Variants in UBE2Q2 observed in about 807,000 individuals in gnomAD.
UBE2Q2 encodes the protein ubiquitin conjugating enzyme E2 Q2, also known as ubiquitin-conjugating enzyme E2 Q2.
In UBE2Q2, 54 loss-of-function variants were observed where a neutral mutation model predicts 59.9. The ratio of observed to expected loss-of-function variants is 0.90; its 90% confidence interval spans 0.72 to 1.13. The LOEUF is 1.13. Ranked by LOEUF, UBE2Q2 falls within the 50% of genes most tolerant of loss-of-function variation. UBE2Q2 has a pLI of 0.00. For missense variants in UBE2Q2, 433 were observed against 441.9 expected (o/e 0.98, Z 0.18); for synonymous variants, 165 against 155.2 (o/e 1.06, Z -0.47).
intron 1 of UBE2Q2, among the ~76,000 whole-genome samples, chr15:75,845,564 A>G (rs1896302062): frequency 1.3e-5 from 2 of 152,182 alleles, no homozygotes; most frequent in Admixed American, 6.5e-5. Flanking sequence ...GTGGGGAGCT[A>G]CTAAGTTTAC....
intron 1 of UBE2Q2, among the ~76,000 whole-genome samples, chr15:75,852,040 A>ATT (rs1212982994): frequency 6.6e-6 from 1 of 151,682 alleles, no homozygotes; most frequent in African/African-American, 2.4e-5. Flanking sequence ...TGCTTAGCTA[A>ATT]TTTTTTTATT....
At chr15:75,869,077 A>T in intron 4 of UBE2Q2, 67 bp downstream of exon 4, 1 of 1,335,206 alleles carries the variant, frequency 7.5e-7, no homozygotes, top group Non-Finnish European at 1.0e-6. Context: ...GTAATTCTCA[A>T]ATCTTTTTTA....
intron 10 of UBE2Q2, 148 bp from the exon 11 acceptor site, chr15:75,890,771 G>C: frequency 1.4e-6 from 1 of 715,286 alleles, no homozygotes; most frequent in Non-Finnish European, 2.3e-6. Context: ...GTGAGATTCT[G>C]GAAATGTTCC....
chr15:75,855,603 A>G (rs1896862079), intron 2 of UBE2Q2, among the ~76,000 whole-genome samples: 1 of 152,228 alleles, frequency 6.6e-6, no homozygotes, highest in Admixed American at 6.5e-5. Context: ...ATTCAGAGGA[A>G]CCAACTGAAA....
intron 2 of UBE2Q2, among the ~76,000 whole-genome samples, chr15:75,855,808 A>G (rs1249014834): frequency 6.6e-6 from 1 of 152,194 alleles, no homozygotes; most frequent in Non-Finnish European, 1.5e-5. Context: ...TGCTGAGTGG[A>G]AGGAAAGATT....
chr15:75,890,808 G>T, intron 10 of UBE2Q2, 111 bp from the exon 11 acceptor site: 1 of 912,148 alleles, frequency 1.1e-6, no homozygotes, highest in South Asian at 1.7e-5. Flanking sequence ...CTTGACTACA[G>T]TCTTTTTAAC....
At position 75,843,675 on chromosome 15, in the gene UBE2Q2, G is replaced by A; in HGVS notation, c.9G>A (p.Val3=). Residue 3 remains valine (V), a synonymous_variant, in exon 1 of 13, where the codon GTG becomes GTA. Coordinates refer to ENST00000267938, the MANE Select transcript of UBE2Q2 (RefSeq NM_173469.4). MS[V]SGLKAELKFL... ...CCGGAGATGAGGGGAAGATGTCCGTGTCAGGGCTCAAGGCCGAGCTGAAGT... is the reference window on the plus strand; with the variant it reads ...CCGGAGATGAGGGGAAGATGTCCGTATCAGGGCTCAAGGCCGAGCTGAAGT... 6.2e-7 allele frequency: 1 copy of A among 1,605,088 alleles called. No homozygotes were observed. The highest frequency in any genetic ancestry group is 8.5e-7 in the Non-Finnish European group (1 of 1,176,532).
rs1352291795 is a variant in UBE2Q2 at position 75,876,063 on chromosome 15, T to TC, written c.589-122dup. The stretch of plus-strand genomic sequence containing the variant: ...CTGGGTAACAGGGCTAGACTCCATC[T>TC]CCAAAAAAAAAAAAAAAAAATGTTG... On this transcript the variant is annotated intron_variant, in intron 5 of 12. Transcript: ENST00000267938. 2.9e-5 allele frequency: 14 copies of TC among 490,800 alleles called. No homozygotes were observed. In the East Asian group the frequency reaches 4.9e-4, roughly 17 times the overall value. The allele number at this position is 490,800 out of a possible 1,614,324, so 30.4% of individuals were successfully genotyped here. A position where few individuals can be genotyped will look rare whatever the true frequency, so the allele number is the denominator to read the frequency against.
At chr15:75,846,387 G>A (rs765322535) in intron 1 of UBE2Q2, among the ~76,000 whole-genome samples, 3 of 152,048 alleles carry the variant, frequency 2.0e-5, no homozygotes, top group Admixed American at 6.6e-5. Flanking sequence ...ACAGGTTTCC[G>A]CCGCCACACC....
chr15:75,893,577 G>C (rs776956838), intron 11 of UBE2Q2, among the ~76,000 whole-genome samples: 51 of 152,094 alleles, frequency 3.4e-4, no homozygotes, highest in Non-Finnish European at 5.3e-4. Flanking sequence ...CAGTGAACAG[G>C]CATGGTATAA....
At chr15:75,880,428 A>G (rs1898340393) in intron 8 of UBE2Q2, among the ~76,000 whole-genome samples, 1 of 151,714 alleles carries the variant, frequency 6.6e-6, no homozygotes, top group Non-Finnish European at 1.5e-5. Flanking sequence ...AGTATTTTAA[A>G]GATGCTAAAA....
chr15:75,883,268 A>G, intron 8 of UBE2Q2, 98 bp from the exon 9 acceptor site: 4 of 1,128,118 alleles, frequency 3.5e-6, no homozygotes, highest in Non-Finnish European at 5.1e-6. Context: ...TCTGATAATA[A>G]ATGTACACAT....
chr15:75,843,651 C>T lies in UBE2Q2; in HGVS notation c.-16C>T, dbSNP rs779517777. 4 of 1,579,610 alleles carry T rather than the reference C, an allele frequency of 2.5e-6. No individual in the cohort carries two copies. The highest frequency in any genetic ancestry group is 3.4e-6 in the Non-Finnish European group (4 of 1,165,596). ...GGCTCCCCTTCCGCGCCCCTCCCGC[C>T]GGAGATGAGGGGAAGATGTCCGTGT... On this transcript the variant is annotated 5_prime_UTR_variant, in exon 1 of 13. Coordinates refer to ENST00000267938, the MANE Select transcript of UBE2Q2 (RefSeq NM_173469.4).
chr15:75,890,383 T>A (rs1899027979), intron 9 of UBE2Q2, 52 bp from the exon 10 acceptor site: 1 of 1,441,200 alleles, frequency 6.9e-7, no homozygotes, highest in East Asian at 2.3e-5. Context: ...AGAAATTGTT[T>A]AAGGAGGAAT....
At position 75,899,635 on chromosome 15, in the gene UBE2Q2, T is replaced by C; in HGVS notation, c.*177T>C. On this transcript the variant is annotated 3_prime_UTR_variant, in exon 13 of 13. Transcript: ENST00000267938. ...ATAAGTTACAGCCTTTGCATTTTGC[T>C]CATTTTAGATATCTTGGACTGAGCA... 1 of 448,304 alleles carries C rather than the reference T, an allele frequency of 2.2e-6. No homozygotes were observed. Among genetic ancestry groups the C allele is most frequent in the Non-Finnish European group, 3.9e-6 (1 of 258,406 alleles). The allele number at this position is 448,304 out of a possible 1,614,324, so 27.8% of individuals were successfully genotyped here.
At chr15:75,844,180 T>G in intron 1 of UBE2Q2, 2 of 1,438,180 alleles carry the variant, frequency 1.4e-6, no homozygotes, top group Non-Finnish European at 1.8e-6. Flanking sequence ...GCCGGCCTGC[T>G]CCCGGGACCG....
At chr15:75,863,694 G>A (rs1897309320) in intron 3 of UBE2Q2, among the ~76,000 whole-genome samples, 2 of 151,554 alleles carry the variant, frequency 1.3e-5, no homozygotes, top group African/African-American at 4.9e-5. Flanking sequence ...CCAGGATGGA[G>A]TGCAATGGTG....
At chr15:75,876,136 C>G in intron 5 of UBE2Q2, 51 bp from the exon 6 acceptor site, 2 of 1,514,566 alleles carry the variant, frequency 1.3e-6, no homozygotes, top group Non-Finnish European at 1.8e-6. Flanking sequence ...GTTGAAATAT[C>G]TTAAATCTTA....
At chr15:75,869,093 T>C (rs1275014904) in intron 4 of UBE2Q2, 83 bp downstream of exon 4, 3 of 1,150,114 alleles carry the variant, frequency 2.6e-6, no homozygotes, top group Non-Finnish European at 3.8e-6. Flanking sequence ...TTTTATAGAC[T>C]ACTATTAATG....
Sources: gnomAD v4.1 joint callset for allele counts (sites outside exome capture counted in the v4.1 genomes callset) on GRCh38, gnomAD v4.1.1 for gene constraint, MANE v1.5 for transcripts, NCBI Gene and HGNC (gene_info 2026-07-23, HGNC 2026-07-21) for gene names.